The following SLC25A26 variants were observed in gnomAD, a reference collection of about 807,000 sequenced individuals.
SLC25A26 encodes solute carrier family 25 member 26, also known as mitochondrial S-adenosylmethionine carrier protein.
A neutral mutation model predicts 37.8 loss-of-function variants in SLC25A26; 36 were observed. That is an observed-to-expected ratio of 0.95 (90% CI 0.73 to 1.26). The LOEUF is 1.26. Ranked by LOEUF, SLC25A26 falls within the 50% of genes most tolerant of loss-of-function variation. The probability of loss-of-function intolerance (pLI) is 0.00; values close to 1 mark genes in which losing one functional copy is unlikely to be tolerated. For missense variants in SLC25A26, 390 were observed against 331.1 expected (o/e 1.18, Z -1.38); for synonymous variants, 129 against 122.5 (o/e 1.05, Z -0.35).
intron 5 of SLC25A26, among the ~76,000 whole-genome samples, chr3:66,295,559 G>C (rs1193910828): frequency 6.6e-6 from 1 of 151,952 alleles, no homozygotes; most frequent in Non-Finnish European, 1.5e-5. Context: ...CCACCACCAA[G>C]CCCAGCTAAT....
At chr3:66,302,249 C>T (rs2075097428) in intron 5 of SLC25A26, among the ~76,000 whole-genome samples, 1 of 152,172 alleles carries the variant, frequency 6.6e-6, no homozygotes. Flanking sequence ...AAAGACGTGG[C>T]CCAAAATGTT....
intron 5 of SLC25A26, among the ~76,000 whole-genome samples, chr3:66,334,190 T>A (rs984407106): frequency 6.6e-6 from 1 of 152,234 alleles, no homozygotes; most frequent in Non-Finnish European, 1.5e-5. Flanking sequence ...GATACTTCCC[T>A]GTCTGTTGCA....
At chr3:66,321,889 T>C (rs2075704336) in intron 5 of SLC25A26, among the ~76,000 whole-genome samples, 2 of 152,056 alleles carry the variant, frequency 1.3e-5, no homozygotes, top group Admixed American at 1.3e-4. Context: ...GAACAGAAAT[T>C]ACCTGTTCAT....
intron 3 of SLC25A26, among the ~76,000 whole-genome samples, chr3:66,259,640 T>C (rs951107285): frequency 2.6e-5 from 4 of 152,162 alleles, no homozygotes; most frequent in African/African-American, 9.7e-5. Flanking sequence ...CTGAGCCATA[T>C]TCATTTCCAG....
At chr3:66,255,518 A>G (rs1446235267) in intron 3 of SLC25A26, among the ~76,000 whole-genome samples, 1 of 151,660 alleles carries the variant, frequency 6.6e-6, no homozygotes, top group Non-Finnish European at 1.5e-5. Context: ...CCTTTATGGA[A>G]AACCTTAGTA....
rs2072378813 is a variant in SLC25A26 at position 66,238,010 on chromosome 3, A to G, written c.190+1310A>G. Among the ~76,000 whole-genome samples, 9 of 152,300 alleles carry G rather than the reference A, an allele frequency of 5.9e-5. No individual in the cohort carries two copies. In the South Asian group the frequency reaches 1.9e-3, roughly 32 times the overall value. On this transcript the variant is annotated intron_variant, in intron 2 of 9. Transcript: ENST00000354883. ...TCCCCCAGCCATCATTAGAATGGCA[A>G]ACTGTTTTGGTCATCTTTCGATTTT...
intron 9 of SLC25A26, among the ~76,000 whole-genome samples, chr3:66,377,302 C>T (rs1321387278): frequency 2.0e-5 from 3 of 152,008 alleles, no homozygotes; most frequent in Admixed American, 2.0e-4. Flanking sequence ...GTTGTCGTGA[C>T]GTCATGTTTT....
chr3:66,373,925 T>C (rs550577782), intron 9 of SLC25A26, among the ~76,000 whole-genome samples: 1 of 152,212 alleles, frequency 6.6e-6, no homozygotes, highest in African/African-American at 2.4e-5. Context: ...GGAGAAAGGA[T>C]GCAGTCAGGT....
chr3:66,203,162 C>T (rs1216966653), intron 1 of SLC25A26, among the ~76,000 whole-genome samples: 1 of 152,144 alleles, frequency 6.6e-6, no homozygotes, highest in Non-Finnish European at 1.5e-5. Flanking sequence ...GGGAGGATCT[C>T]TTGAGCCCAG....
intron 5 of SLC25A26, among the ~76,000 whole-genome samples, chr3:66,287,235 G>A (rs983943293): frequency 6.6e-6 from 1 of 151,368 alleles, no homozygotes; most frequent in Admixed American, 6.6e-5. Context: ...GGCGGAGCTT[G>A]CAGTTAGCCC....
At chr3:66,345,468 TTC>T (rs567255312) in intron 5 of SLC25A26, among the ~76,000 whole-genome samples, 415 of 151,630 alleles carry the variant, frequency 2.7e-3, no homozygotes, top group African/African-American at 9.2e-3. Context: ...CTGCCCCGTC[TTC>T]TGTCTTCTGT....
chr3:66,329,620 C>T lies in SLC25A26; in HGVS notation c.454-16744C>T, dbSNP rs117173519. On this transcript the variant is annotated intron_variant, in intron 5 of 9. Coordinates refer to ENST00000354883, the MANE Select transcript of SLC25A26 (RefSeq NM_001379210.1). ...TTATAAAGGAATTGGATATTTATTACATTTTTAAATGTAAGAAAATTGAAA... is the reference window on the plus strand; with the variant it reads ...TTATAAAGGAATTGGATATTTATTATATTTTTAAATGTAAGAAAATTGAAA... 2.3e-3 allele frequency among the ~76,000 whole-genome samples: 350 copies of T among 152,184 alleles called. 13 individuals are homozygous for T. In the East Asian group the frequency reaches 0.056, roughly 24 times the overall value.
intron 5 of SLC25A26, among the ~76,000 whole-genome samples, chr3:66,312,176 C>G (rs1481580880): frequency 6.6e-6 from 1 of 152,192 alleles, no homozygotes; most frequent in African/African-American, 2.4e-5. Context: ...GCCTTTCTGT[C>G]AGAGATGCCC....
At chr3:66,251,757 C>A (rs1310382078) in intron 3 of SLC25A26, among the ~76,000 whole-genome samples, 2 of 152,176 alleles carry the variant, frequency 1.3e-5, no homozygotes, top group African/African-American at 4.8e-5. Context: ...TCCTCACCCC[C>A]AGTTTCTCGA....
Position 66,233,256 on chromosome 3 carries a change from C to A in SLC25A26, c.34-3288C>A, listed in dbSNP as rs190604332. 2.0e-5 allele frequency among the ~76,000 whole-genome samples: 3 copies of A among 152,324 alleles called. No homozygotes were observed. In the South Asian group the frequency reaches 6.2e-4, roughly 32 times the overall value. The stretch of plus-strand genomic sequence containing the variant: ...ATTGCAGAGCACTAATTGGGCACTT[C>A]CTCTCTACAGTCTGCCAACACTTCA... On this transcript the variant is annotated intron_variant, in intron 1 of 9. Transcript: ENST00000354883.
chr3:66,292,123 G>T (rs112060600), intron 5 of SLC25A26, among the ~76,000 whole-genome samples: 23,064 of 151,912 alleles, frequency 0.15, 2,252 homozygotes, highest in Non-Finnish European at 0.22. Context: ...GATTGCAACC[G>T]CTGATTTTTT....
At chr3:66,275,669 A>G (rs543684531) in intron 5 of SLC25A26, among the ~76,000 whole-genome samples, 2 of 152,200 alleles carry the variant, frequency 1.3e-5, no homozygotes, top group South Asian at 4.1e-4. Flanking sequence ...TAGGCAAGCT[A>G]ATGGTTTTCT....
At chr3:66,222,131 T>A (rs1267072984) in intron 1 of SLC25A26, among the ~76,000 whole-genome samples, 1 of 152,042 alleles carries the variant, frequency 6.6e-6, no homozygotes, top group African/African-American at 2.4e-5. Context: ...TCTAGATTTG[T>A]TGAAACTTGT....
intron 1 of SLC25A26, among the ~76,000 whole-genome samples, chr3:66,173,896 C>CA (rs1441777432): frequency 4.0e-5 from 6 of 151,818 alleles, no homozygotes; most frequent in East Asian, 3.9e-4. Context: ...ACTAAAAACA[C>CA]AAAAAAATTA....
Sources: allele counts gnomAD v4.1 joint callset (sites outside exome capture counted in the v4.1 genomes callset), GRCh38; gene constraint gnomAD v4.1.1; transcripts MANE v1.5; gene names NCBI Gene and HGNC (gene_info 2026-07-23, HGNC 2026-07-21).